Variants in APCDD1L observed in about 807,000 individuals in gnomAD.
APCDD1L encodes protein APCDD1-like.
A neutral mutation model predicts 24.2 loss-of-function variants in APCDD1L; 21 were observed. The observed-to-expected ratio is 0.87, with a 90% CI of 0.61 to 1.25. The LOEUF is 1.25. Ranked by LOEUF, APCDD1L falls within the 50% of genes most tolerant of loss-of-function variation. The pLI, the probability that APCDD1L is intolerant of heterozygous loss-of-function variation, is 0.00. For missense variants in APCDD1L, 704 were observed against 711.7 expected (o/e 0.99, Z 0.12); for synonymous variants, 321 against 323.6 (o/e 0.99, Z 0.09).
At position 58,494,590 on chromosome 20, in the gene APCDD1L, C is replaced by T. The variant is rs966771654; in HGVS notation, c.49+20069G>A. On this transcript the variant is annotated intron_variant, in intron 1 of 3. Transcript: ENST00000371149. The surrounding 1 kb of genome is among the most constrained non-coding windows in gnomAD (Gnocchi z 4.8). Reference sequence around the variant, plus strand: ...CCTGGGCTCAGTGATCCTCTTGCCTCGGCCTCCCAAAGCGTTGGGATTATA... The same window carrying T: ...CCTGGGCTCAGTGATCCTCTTGCCTTGGCCTCCCAAAGCGTTGGGATTATA... Among the ~76,000 whole-genome samples the T allele has an allele frequency of 5.9e-5, 9 of 152,194 alleles. No individual in the cohort carries two copies. The highest frequency in any genetic ancestry group is 2.1e-4 in the South Asian group (1 of 4,818).
At position 58,461,974 on chromosome 20, in the gene APCDD1L, C is replaced by T. The variant is rs963782302; in HGVS notation, c.742-420G>A. 3.9e-5 allele frequency: 7 copies of T among 177,994 alleles called. No homozygotes were observed. Among genetic ancestry groups the T allele is most frequent in the Non-Finnish European group, 8.2e-5 (7 of 85,776 alleles). The allele number at this position is 177,994 out of a possible 1,614,324, so 11.0% of individuals were successfully genotyped here. On this transcript the variant is annotated intron_variant, in intron 3 of 3. Transcript: ENST00000371149. The surrounding 1 kb of genome is among the most constrained non-coding windows in gnomAD (Gnocchi z 6.0). ...TCTCTACCCCTCACCCCTCATCAAA[C>T]TGGAATGCATCGTGCCTTACAGTAC...
At position 58,467,125 on chromosome 20, in the gene APCDD1L, C is replaced by A; in HGVS notation, c.722G>T (p.Arg241Leu). 6.2e-7 allele frequency: 1 copy of A among 1,607,142 alleles called. No homozygotes were observed. Among genetic ancestry groups the A allele is most frequent in the Non-Finnish European group, 8.5e-7 (1 of 1,179,130 alleles). ...RRHYRPTGYQRPLQSALHHVQ... is the reference protein window; with the variant it reads ...RRHYRPTGYQLPLQSALHHVQ... ...ACTCACCAGTGCGCTCTGCAGCGGG[C>A]GCTGGTAGCCCGTGGGCCGGTAGTG... is the stretch of plus-strand genomic sequence containing the variant. The change falls in exon 3 of 4, where the codon CGC becomes CTC. Residue 241 changes from arginine to leucine, a missense_variant. Arg to Leu is a moderately radical substitution (Grantham distance 102). Coordinates refer to ENST00000371149, the MANE Select transcript of APCDD1L (RefSeq NM_153360.3). This position sits in a 1 kb window ranked among gnomAD's most constrained non-coding sequence, Gnocchi z 5.9.
intron 1 of APCDD1L, among the ~76,000 whole-genome samples, chr20:58,473,608 A>AGG (rs1325890712): frequency 7.1e-6 from 1 of 141,182 alleles, no homozygotes; most frequent in East Asian, 2.1e-4. Context: ...TTCCCCCCCC[A>AGG]CCCCTTCTCT....
intron 1 of APCDD1L, among the ~76,000 whole-genome samples, chr20:58,513,635 T>A (rs1990676563): frequency 6.6e-6 from 1 of 152,186 alleles, no homozygotes; most frequent in Non-Finnish European, 1.5e-5. Context: ...CAGCCCCTCT[T>A]CACCCCGGGG....
chr20:58,490,838 T>C (rs1330683177), intron 1 of APCDD1L, among the ~76,000 whole-genome samples: 1 of 152,164 alleles, frequency 6.6e-6, no homozygotes, highest in East Asian at 1.9e-4. Flanking sequence ...TTAAGGACAG[T>C]ATGAGAGAGG....
chr20:58,467,084 A>C lies in APCDD1L; in HGVS notation c.741+22T>G. On this transcript the variant is annotated intron_variant, in intron 3 of 3. Transcript: ENST00000371149. The surrounding 1 kb of genome is among the most constrained non-coding windows in gnomAD (Gnocchi z 5.9). Reference sequence around the variant, plus strand: ...CCCGAGACCACCACCCCCCTCTCCCACACCCCAACACACACACTCACCAGT... The same window carrying C: ...CCCGAGACCACCACCCCCCTCTCCCCCACCCCAACACACACACTCACCAGT... 1 of 1,563,966 alleles carries C rather than the reference A, an allele frequency of 6.4e-7. No homozygotes were observed. Among genetic ancestry groups the C allele is most frequent in the East Asian group, 2.4e-5 (1 of 40,998 alleles).
chr20:58,474,432 G>A (rs201721111), intron 1 of APCDD1L, among the ~76,000 whole-genome samples: 133 of 152,278 alleles, frequency 8.7e-4, no homozygotes, highest in African/African-American at 3.0e-3. Context: ...GGCTGGGCAC[G>A]GTGGCTCACA....
chr20:58,471,601 A>G (rs4812000), intron 1 of APCDD1L, among the ~76,000 whole-genome samples: 78,611 of 152,112 alleles, frequency 0.52, 21,971 homozygotes, highest in African/African-American at 0.71. Context: ...CGGGAGTGGG[A>G]CTGTTCACGA....
chr20:58,507,754 G>A (rs1568754736), intron 1 of APCDD1L, among the ~76,000 whole-genome samples: 1 of 152,174 alleles, frequency 6.6e-6, no homozygotes, highest in Admixed American at 6.5e-5. Context: ...ACATACAAGA[G>A]ACAGCTAGTT....
chr20:58,500,619 G>A (rs1990416402), intron 1 of APCDD1L, among the ~76,000 whole-genome samples: 1 of 152,140 alleles, frequency 6.6e-6, no homozygotes, highest in South Asian at 2.1e-4. Context: ...GAAGTGTCAT[G>A]CCCTCTCTTT....
chr20:58,483,691 G>A (rs1048928399), intron 1 of APCDD1L, among the ~76,000 whole-genome samples: 6 of 152,206 alleles, frequency 3.9e-5, no homozygotes, highest in Admixed American at 2.0e-4. Context: ...CAGGCTCTAC[G>A]GCCCCCGCTG....
intron 1 of APCDD1L, among the ~76,000 whole-genome samples, chr20:58,513,423 C>T (rs181034804): frequency 6.6e-5 from 10 of 152,248 alleles, no homozygotes; most frequent in Admixed American, 5.9e-4. Flanking sequence ...ATGTCCCTTT[C>T]GACAGGTGAA....
chr20:58,464,856 C>T (rs201156290), intron 3 of APCDD1L, among the ~76,000 whole-genome samples: 1 of 146,484 alleles, frequency 6.8e-6, no homozygotes, highest in South Asian at 2.2e-4. Flanking sequence ...TTCTTTCTTT[C>T]TTTTTTTTTT....
intron 1 of APCDD1L, among the ~76,000 whole-genome samples, chr20:58,509,399 T>G (rs1990585988): frequency 6.6e-6 from 1 of 152,128 alleles, no homozygotes; most frequent in Non-Finnish European, 1.5e-5. Context: ...AAGTTTCCAG[T>G]TTGCAAATGA....
In APCDD1L at chr20:58,461,436, G is replaced by A. The variant is rs776892324; in HGVS notation, c.860C>T (p.Ser287Leu). 1.7e-5 allele frequency: 26 copies of A among 1,515,922 alleles called. No homozygotes were observed. Among genetic ancestry groups the A allele is most frequent in the African/African-American group, 5.5e-5 (4 of 72,408 alleles). The allele number at this position is 1,515,922 out of a possible 1,614,324, so 93.9% of individuals were successfully genotyped here. A position where few individuals can be genotyped will look rare whatever the true frequency, so the allele number is the denominator to read the frequency against. Reference protein sequence around the residue: ...PLHLGGWWVSSGCEVRPAVLF... With the variant: ...PLHLGGWWVSLGCEVRPAVLF... ...GACTGCTGGGCGCACCTCGCACCCCGAGCTGACCCACCAGCCGCCCAGGTG... is the reference window on the plus strand; with the variant it reads ...GACTGCTGGGCGCACCTCGCACCCCAAGCTGACCCACCAGCCGCCCAGGTG... Residue 287 changes from serine (S) to leucine (L), a missense_variant, in exon 4 of 4, where the codon TCG (serine) becomes TTG (leucine). Transcript: ENST00000371149. This position sits in a 1 kb window ranked among gnomAD's most constrained non-coding sequence, Gnocchi z 6.0.
At chr20:58,496,264 A>C (rs1457071643) in intron 1 of APCDD1L, among the ~76,000 whole-genome samples, 1 of 152,184 alleles carries the variant, frequency 6.6e-6, no homozygotes, top group African/African-American at 2.4e-5. Context: ...GCAGGGAGCC[A>C]GGCCCCAGGC....
rs1439814586 is a variant in APCDD1L at position 58,508,610 on chromosome 20, G to A, written c.49+6049C>T. On this transcript the variant is annotated intron_variant, in intron 1 of 3. Coordinates refer to ENST00000371149, the MANE Select transcript of APCDD1L (RefSeq NM_153360.3). The surrounding 1 kb of genome is among the most constrained non-coding windows in gnomAD (Gnocchi z 4.0). ...GCTGGGGAGGCCCTGGAGGAGCTGA[G>A]GAGGGCCTCTGCGGCAGGGCCCTTC... Among the ~76,000 whole-genome samples, 1 of 152,198 alleles carries A rather than the reference G, an allele frequency of 6.6e-6. No individual in the cohort carries two copies. Among genetic ancestry groups the A allele is most frequent in the Non-Finnish European group, 1.5e-5 (1 of 68,032 alleles).
chr20:58,464,262 A>G (rs1468659074), intron 3 of APCDD1L, among the ~76,000 whole-genome samples: 1 of 152,232 alleles, frequency 6.6e-6, no homozygotes, highest in Non-Finnish European at 1.5e-5. Context: ...CAACCAAAAG[A>G]TATTCTCTGC....
intron 1 of APCDD1L, among the ~76,000 whole-genome samples, chr20:58,478,847 C>T (rs1466147273): frequency 1.3e-5 from 2 of 151,900 alleles, no homozygotes; most frequent in East Asian, 3.9e-4. Flanking sequence ...AGGGAGTTCC[C>T]AGCAGGCTGG....
Sources: gnomAD v4.1 joint callset for allele counts (sites outside exome capture counted in the v4.1 genomes callset) on GRCh38, gnomAD v4.1.1 for gene constraint, Gnocchi (gnomAD v3.1) non-coding constraint, MANE v1.5 for transcripts, NCBI Gene and HGNC (gene_info 2026-07-23, HGNC 2026-07-21) for gene names.